Variants in TDRD5 observed in about 807,000 individuals in gnomAD.
The protein encoded by TDRD5 is tudor domain containing 5.
In TDRD5, 41 loss-of-function variants were observed where a neutral mutation model predicts 120.6. The observed-to-expected ratio is 0.34, with a 90% CI of 0.26 to 0.44. TDRD5 has a LOEUF of 0.44. Among genes scored for constraint, TDRD5 ranks in the 20% least tolerant of loss-of-function variants. The pLI, the probability that TDRD5 is intolerant of heterozygous loss-of-function variation, is 1.00. For missense variants in TDRD5, 1,006 were observed against 1,221.2 expected, an observed-to-expected ratio of 0.82 and a Z score of 2.63; for synonymous variants, 430 against 433.7, an observed-to-expected ratio of 0.99 and a Z score of 0.11.
At chr1:179,640,281 T>C (rs1181785080) in intron 10 of TDRD5, 98 bp from the exon 11 acceptor site, 1 of 1,339,270 alleles carries the variant, frequency 7.5e-7, no homozygotes, top group African/African-American at 1.4e-5. Context: ...GATTACGTTT[T>C]AGTCTCTTAT....
At chr1:179,675,366 G>A (rs1248922259) in intron 17 of TDRD5, among the ~76,000 whole-genome samples, 3 of 134,714 alleles carry the variant, frequency 2.2e-5, no homozygotes, top group African/African-American at 5.7e-5. Flanking sequence ...TGCAAGCTCC[G>A]CCTCTTGGGT....
chr1:179,600,596 A>G (rs1276938041), intron 4 of TDRD5, among the ~76,000 whole-genome samples: 1 of 152,104 alleles, frequency 6.6e-6, no homozygotes, highest in Non-Finnish European at 1.5e-5. Context: ...ACAAGTTTTT[A>G]GTTTTGATAA....
At chr1:179,591,820 GCGCTGGT>G (rs1221458751), upstream of TDRD5, 1 of 152,470 alleles carries the variant, frequency 6.6e-6, no homozygotes, top group Non-Finnish European at 1.5e-5. Flanking sequence ...TGGTCAGGGG[GCGCTGGT>G]GCGCAGGCGC....
chr1:179,649,219 A>G (rs1179740978), intron 11 of TDRD5, among the ~76,000 whole-genome samples: 1 of 151,948 alleles, frequency 6.6e-6, no homozygotes, highest in Admixed American at 6.6e-5. Context: ...ATGCTACTTT[A>G]TGGTTCATCA....
intron 6 of TDRD5, among the ~76,000 whole-genome samples, chr1:179,630,116 G>C (rs1023924154): frequency 6.6e-6 from 1 of 151,922 alleles, no homozygotes; most frequent in African/African-American, 2.4e-5. Flanking sequence ...TCCGGCCTCA[G>C]CCTCACGAGT....
chr1:179,645,360 CAGGCGT>C (rs1678297170), intron 11 of TDRD5, among the ~76,000 whole-genome samples: 1 of 152,114 alleles, frequency 6.6e-6, no homozygotes, highest in East Asian at 1.9e-4. Flanking sequence ...GCTGGGATTA[CAGGCGT>C]GAGCCACCGC....
intron 3 of TDRD5, among the ~76,000 whole-genome samples, chr1:179,594,582 G>A (rs4652421): frequency 0.93 from 141,382 of 152,322 alleles, 66,238 homozygotes; most frequent in Non-Finnish European, 0.99. Context: ...GACCATCTGG[G>A]TAGTATCTCC....
intron 9 of TDRD5, among the ~76,000 whole-genome samples, chr1:179,637,460 A>G (rs147995952): frequency 0.01 from 1,527 of 152,310 alleles, 30 homozygotes; most frequent in African/African-American, 0.034. Context: ...TATTAATACT[A>G]TAGACTGGGT....
Position 179,662,240 on chromosome 1 carries a change from T to G in TDRD5, c.2459T>G (p.Leu820Arg). 1.2e-6 allele frequency: 2 copies of G among 1,610,652 alleles called. No individual in the cohort carries two copies. The highest frequency in any genetic ancestry group is 1.7e-6 in the Non-Finnish European group (2 of 1,178,876). ...DAASHLFTAS[L>R]GGKNQYSSCK... Reference sequence around the variant, plus strand: ...GCCTCCCATCTATTTACTGCAAGCCTTGGTGGAAAGAATCAGTATTCATCA... The same window carrying G: ...GCCTCCCATCTATTTACTGCAAGCCGTGGTGGAAAGAATCAGTATTCATCA... Residue 820 changes from leucine to arginine, a missense_variant, in exon 15 of 18, where the codon CTT becomes CGT. Around this residue, in one of 3 missense-constraint regions of TDRD5, gnomAD observed 403 missense variants for 448.1 expected, o/e 0.90. Transcript: ENST00000444136.
At chr1:179,629,868 A>G (rs758921614) in intron 6 of TDRD5, among the ~76,000 whole-genome samples, 1 of 152,134 alleles carries the variant, frequency 6.6e-6, no homozygotes, top group Non-Finnish European at 1.5e-5. Context: ...TCTATCCCAT[A>G]TATATTGTCT....
chr1:179,618,708 CAATAAT>C (rs749322439), intron 5 of TDRD5, 26 bp downstream of exon 5: 79 of 1,469,334 alleles, frequency 5.4e-5, no homozygotes, highest in Non-Finnish European at 7.1e-5. Flanking sequence ...TTCTGGGAGA[CAATAAT>C]AATTGATTTA....
At chr1:179,649,998 T>C (rs1485209780) in intron 11 of TDRD5, among the ~76,000 whole-genome samples, 1 of 152,222 alleles carries the variant, frequency 6.6e-6, no homozygotes, top group Non-Finnish European at 1.5e-5. Flanking sequence ...TAATTTATTT[T>C]CTTCCTCCCT....
At chr1:179,663,603 G>A (rs1400183863) in intron 16 of TDRD5, 112 bp downstream of exon 16, 1 of 1,362,264 alleles carries the variant, frequency 7.3e-7, no homozygotes, top group South Asian at 1.6e-5. Flanking sequence ...TCTCTTAACA[G>A]CTTGCTGTAG....
chr1:179,592,781 C>A lies in TDRD5; in HGVS notation c.166C>A (p.Leu56Met), dbSNP rs199604826. 1.2e-6 allele frequency: 2 copies of A among 1,614,164 alleles called. No individual in the cohort carries two copies. Among genetic ancestry groups the A allele is most frequent in the African/African-American group, 2.7e-5 (2 of 75,042 alleles). ...RILGYRSTME[L>M]VLDMPDVVRV... The stretch of plus-strand genomic sequence containing the variant: ...CCTTGGGTATCGGTCCACTATGGAG[C>A]TGGTATTGGACATGCCTGATGTTGT... Residue 56 changes from leucine to methionine, a missense_variant, in exon 2 of 18, where the codon CTG becomes ATG. Transcript: ENST00000444136.
chr1:179,658,606 A>G (rs12032339), intron 14 of TDRD5, among the ~76,000 whole-genome samples: 5,776 of 152,242 alleles, frequency 0.038, 172 homozygotes, highest in East Asian at 0.11. Context: ...TCCTTTTGTT[A>G]TCTGCAGGGT....
At position 179,597,478 on chromosome 1, in the gene TDRD5, T is replaced by C. The variant is rs1299441495; in HGVS notation, c.831+1660T>C. Among the ~76,000 whole-genome samples, 6 of 151,754 alleles carry C rather than the reference T, an allele frequency of 4.0e-5. No homozygotes were observed. In the East Asian group the frequency reaches 1.2e-3, roughly 29 times the overall value. On this transcript the variant is annotated intron_variant, in intron 4 of 17. Transcript: ENST00000444136. Reference sequence around the variant, plus strand: ...TCCTGAGTAGCTGGGATTACAGGCGTCAGCCACCACACCTGGCTAATTTTT... The same window carrying C: ...TCCTGAGTAGCTGGGATTACAGGCGCCAGCCACCACACCTGGCTAATTTTT...
intron 11 of TDRD5, 152 bp downstream of exon 11, chr1:179,640,597 A>G: frequency 1.3e-6 from 1 of 772,126 alleles, no homozygotes. Context: ...ACATGTAGAC[A>G]AAAATTGTTA....
intron 11 of TDRD5, among the ~76,000 whole-genome samples, chr1:179,645,914 G>A (rs1230115334): frequency 6.6e-6 from 1 of 151,874 alleles, no homozygotes; most frequent in Non-Finnish European, 1.5e-5. Flanking sequence ...ATATCCTGGT[G>A]TGTTTTTAAA....
intron 17 of TDRD5, among the ~76,000 whole-genome samples, chr1:179,689,364 AGCAAATATTGCAGAACG>A (rs1680970565): frequency 6.6e-6 from 1 of 152,216 alleles, no homozygotes; most frequent in African/African-American, 2.4e-5. Flanking sequence ...GCTGCAGAAC[AGCAAATATTGCAGAACG>A]GCAAATGTTG....
Sources: gnomAD v4.1 joint callset for allele counts (sites outside exome capture counted in the v4.1 genomes callset) on GRCh38, gnomAD v4.1.1 for gene constraint, gnomAD v4.1.1 regional missense constraint, MANE v1.5 for transcripts, NCBI Gene and HGNC (gene_info 2026-07-23, HGNC 2026-07-21) for gene names.